MAN1A2: variants seen among roughly 807,000 people sequenced by gnomAD.
MAN1A2 encodes mannosidase alpha class 1A member 2, also known as mannosyl-oligosaccharide 1,2-alpha-mannosidase IB.
Under a neutral mutation model 75.7 loss-of-function variants are expected in MAN1A2, and 26 were observed. That is an observed-to-expected ratio of 0.34 (90% CI 0.25 to 0.48). The LOEUF (loss-of-function observed/expected upper bound fraction) is 0.48. Ranked by LOEUF, MAN1A2 falls within the 20% of genes least tolerant of loss-of-function variation. MAN1A2 has a pLI of 0.99. For missense variants in MAN1A2, 562 were observed against 775.5 expected (o/e 0.72, Z 3.27); for synonymous variants, 247 against 264.6 (o/e 0.93, Z 0.65).
chr1:117,525,149 C>A lies in MAN1A2; in HGVS notation c.*2192C>A. The A allele has an allele frequency of 1.9e-6, 1 of 527,016 alleles. No individual in the cohort carries two copies. The highest frequency in any genetic ancestry group is 3.9e-6 in the Non-Finnish European group (1 of 257,182). 32.6% of individuals were successfully genotyped at this position (527,016 alleles called of 1,614,324 possible). On this transcript the variant is annotated 3_prime_UTR_variant, in exon 13 of 13. Coordinates refer to ENST00000356554, the MANE Select transcript of MAN1A2 (RefSeq NM_006699.5). Reference sequence around the variant, plus strand: ...TTCCAAGTGCTCTATTTGTATTACCCAGATGACTGAAGCTTAAGAGAAGGC... The same window carrying A: ...TTCCAAGTGCTCTATTTGTATTACCAAGATGACTGAAGCTTAAGAGAAGGC...
chr1:117,427,158 A>C (rs1023711802), intron 5 of MAN1A2, among the ~76,000 whole-genome samples: 1 of 149,888 alleles, frequency 6.7e-6, no homozygotes, highest in African/African-American at 2.4e-5. Context: ...AAAATGATCC[A>C]TTTTTTTTTT....
At chr1:117,489,092 T>G (rs1650800192) in intron 8 of MAN1A2, among the ~76,000 whole-genome samples, 1 of 152,092 alleles carries the variant, frequency 6.6e-6, no homozygotes, top group African/African-American at 2.4e-5. Flanking sequence ...TTCACCCTGA[T>G]TCTCTTTAAT....
chr1:117,417,097 G>C (rs148611896), intron 4 of MAN1A2, among the ~76,000 whole-genome samples: 1 of 152,278 alleles, frequency 6.6e-6, no homozygotes, highest in African/African-American at 2.4e-5. Flanking sequence ...AAGGGAGCCA[G>C]TTGGTAAATT....
intron 1 of MAN1A2, among the ~76,000 whole-genome samples, chr1:117,396,354 G>A (rs1653904477): frequency 6.6e-6 from 1 of 152,058 alleles, no homozygotes; most frequent in South Asian, 2.1e-4. Context: ...ACTTCTCTTT[G>A]GACAAGGCCA....
intron 5 of MAN1A2, 84 bp downstream of exon 5, chr1:117,420,733 T>A: frequency 1.0e-6 from 1 of 1,003,230 alleles, no homozygotes. Context: ...TAGAAGCATA[T>A]TAGTTTTCTA....
chr1:117,453,824 G>T (rs145498660), intron 6 of MAN1A2, among the ~76,000 whole-genome samples: 1 of 152,140 alleles, frequency 6.6e-6, no homozygotes, highest in Non-Finnish European at 1.5e-5. Flanking sequence ...GAGATCTTTC[G>T]TCTTGCAGAG....
intron 1 of MAN1A2, among the ~76,000 whole-genome samples, chr1:117,394,778 TG>T (rs917052614): frequency 3.5e-4 from 54 of 152,232 alleles, no homozygotes; most frequent in African/African-American, 1.2e-3. Flanking sequence ...GTGTAGGAAG[TG>T]GAAACAGCAA....
At chr1:117,405,848 T>G (rs947941516) in intron 3 of MAN1A2, among the ~76,000 whole-genome samples, 2 of 152,198 alleles carry the variant, frequency 1.3e-5, no homozygotes, top group Non-Finnish European at 2.9e-5. Flanking sequence ...GATTTTCTAT[T>G]TACATATGGA....
intron 4 of MAN1A2, among the ~76,000 whole-genome samples, chr1:117,416,355 G>A (rs1056418946): frequency 2.0e-5 from 3 of 152,018 alleles, no homozygotes; most frequent in South Asian, 4.1e-4. Flanking sequence ...ATCTGATCTT[G>A]TTCTCTGCGG....
intron 3 of MAN1A2, among the ~76,000 whole-genome samples, chr1:117,410,170 C>T (rs1455853914): frequency 6.6e-6 from 1 of 151,796 alleles, no homozygotes; most frequent in Non-Finnish European, 1.5e-5. Flanking sequence ...TTTCCGTCTA[C>T]CGTTGGTTGA....
intron 3 of MAN1A2, among the ~76,000 whole-genome samples, chr1:117,413,243 C>G (rs1447008084): frequency 6.6e-6 from 1 of 151,750 alleles, no homozygotes; most frequent in African/African-American, 2.4e-5. Flanking sequence ...GAGTATTTGT[C>G]TTGTTAGCTA....
intron 8 of MAN1A2, among the ~76,000 whole-genome samples, chr1:117,478,093 C>T (rs1650379390): frequency 6.6e-6 from 1 of 152,018 alleles, no homozygotes; most frequent in South Asian, 2.1e-4. Context: ...TGAAGGACCT[C>T]TTCAAGGAGA....
At chr1:117,457,466 T>A (rs74795490) in intron 6 of MAN1A2, among the ~76,000 whole-genome samples, 20 of 152,218 alleles carry the variant, frequency 1.3e-4, no homozygotes, top group African/African-American at 4.1e-4. Context: ...ATCTTGTTCT[T>A]AGGGATTTTC....
intron 5 of MAN1A2, among the ~76,000 whole-genome samples, chr1:117,437,505 A>G (rs1379370647): frequency 6.6e-6 from 1 of 152,204 alleles, no homozygotes; most frequent in Non-Finnish European, 1.5e-5. Flanking sequence ...GAATTTAAAT[A>G]TTAACTATAA....
intron 4 of MAN1A2, 38 bp from the exon 5 acceptor site, chr1:117,420,531 T>G: frequency 2.2e-6 from 3 of 1,363,406 alleles, no homozygotes; most frequent in Non-Finnish European, 3.1e-6. Context: ...CTATAAAGCA[T>G]TACGTATTTG....
intron 1 of MAN1A2, among the ~76,000 whole-genome samples, chr1:117,371,005 A>G (rs1332498151): frequency 6.6e-6 from 1 of 152,100 alleles, no homozygotes; most frequent in African/African-American, 2.4e-5. Context: ...AAAACTCTAT[A>G]TTGTTTCCTT....
chr1:117,523,024 G>T lies in MAN1A2; in HGVS notation c.*67G>T. 2 of 1,582,064 alleles carry T rather than the reference G, an allele frequency of 1.3e-6. No homozygotes were observed. The highest frequency in any genetic ancestry group is 1.7e-6 in the Non-Finnish European group (2 of 1,159,126). On this transcript the variant is annotated 3_prime_UTR_variant, in exon 13 of 13. Transcript: ENST00000356554. ...CATGGACCACTACAGAAATTAGTTT[G>T]AAGGGGCGGCTTTTGAAAACCTGGA...
At chr1:117,428,801 TTTTTTTA>T (rs1439388952) in intron 5 of MAN1A2, among the ~76,000 whole-genome samples, 10 of 145,116 alleles carry the variant, frequency 6.9e-5, no homozygotes, top group East Asian at 5.9e-4. Context: ...TTTTTTTTTT[TTTTTTTA>T]AATTTATTTT....
intron 12 of MAN1A2, among the ~76,000 whole-genome samples, chr1:117,508,849 GTTAT>G (rs1651447121): frequency 6.6e-6 from 1 of 151,488 alleles, no homozygotes; most frequent in Non-Finnish European, 1.5e-5. Context: ...CTTAATTGAA[GTTAT>G]TTTAGTTTTT....
Sources: gnomAD v4.1 joint callset for allele counts (sites outside exome capture counted in the v4.1 genomes callset) on GRCh38, gnomAD v4.1.1 for gene constraint, MANE v1.5 for transcripts, NCBI Gene and HGNC (gene_info 2026-07-23, HGNC 2026-07-21) for gene names.